The following CELSR1 variants were observed in gnomAD, a reference collection of about 807,000 sequenced individuals.
CELSR1 encodes the protein cadherin EGF LAG seven-pass G-type receptor 1.
CELSR1 carries 110 observed loss-of-function variants against 249.1 expected under a neutral mutation model. That is an observed-to-expected ratio of 0.44 (90% confidence interval 0.38 to 0.52). CELSR1 has a LOEUF of 0.52. Ranked by LOEUF, CELSR1 falls within the 20% of genes least tolerant of loss-of-function variation. The pLI is 0.00. For synonymous variants in CELSR1, 2,113 were observed against 1,900.0 expected, an observed-to-expected ratio of 1.11 and a Z score of -2.92; for missense variants, 4,109 against 4,296.4, an observed-to-expected ratio of 0.96 and a Z score of 1.22.
intron 1 of CELSR1, among the ~76,000 whole-genome samples, chr22:46,474,370 C>T (rs116654874): frequency 2.1e-3 from 319 of 152,182 alleles, no homozygotes; most frequent in African/African-American, 6.5e-3. Context: ...GCCATCCCCT[C>T]GGGCTGCTGC....
chr22:46,453,502 C>T (rs569308682), intron 2 of CELSR1, among the ~76,000 whole-genome samples: 142 of 152,360 alleles, frequency 9.3e-4, no homozygotes, highest in Non-Finnish European at 1.2e-3. Flanking sequence ...CCGCTATGTC[C>T]AGCCAGCTTC....
At chr22:46,469,156 G>T (rs2080128229) in intron 1 of CELSR1, among the ~76,000 whole-genome samples, 1 of 152,012 alleles carries the variant, frequency 6.6e-6, no homozygotes, top group Non-Finnish European at 1.5e-5. Flanking sequence ...CCTGGGGTCT[G>T]CCAGCCTCAG....
intron 18 of CELSR1, among the ~76,000 whole-genome samples, chr22:46,387,944 T>C (rs113421300): frequency 0.019 from 2,910 of 152,204 alleles, 93 homozygotes; most frequent in African/African-American, 0.066. Flanking sequence ...GCCGTGGACA[T>C]GTGGACAGCT....
chr22:46,519,495 G>A (rs1025101334), intron 1 of CELSR1, among the ~76,000 whole-genome samples: 2 of 152,342 alleles, frequency 1.3e-5, no homozygotes, highest in African/African-American at 2.4e-5. Context: ...GGGTTGGCCC[G>A]GGGAGCAGCG....
intron 2 of CELSR1, 129 bp downstream of exon 2, chr22:46,463,578 C>T: frequency 1.0e-6 from 1 of 999,094 alleles, no homozygotes; most frequent in South Asian, 2.7e-5. Flanking sequence ...GTGGAGCCCA[C>T]ACCTGGGCCC....
intron 1 of CELSR1, among the ~76,000 whole-genome samples, chr22:46,489,978 A>G (rs2080352257): frequency 6.6e-6 from 1 of 151,322 alleles, no homozygotes; most frequent in Non-Finnish European, 1.5e-5. Flanking sequence ...TGCGCTGCCC[A>G]GCCTGGTTAG....
Position 46,363,927 on chromosome 22 carries a change from C to T in CELSR1, c.9035+69G>A. The T allele has an allele frequency of 6.8e-7, 1 of 1,467,264 alleles. No individual in the cohort carries two copies. Among genetic ancestry groups the T allele is most frequent in the Admixed American group, 2.7e-5 (1 of 37,244 alleles). The allele number at this position is 1,467,264 out of a possible 1,614,324, so 90.9% of individuals were successfully genotyped here. ...GGGTGTCAGGTCCCTGACCACTGCCCCCTCTCTCTCCTGACTCAGGACAAG... is the reference window on the plus strand; with the variant it reads ...GGGTGTCAGGTCCCTGACCACTGCCTCCTCTCTCTCCTGACTCAGGACAAG... On this transcript the variant is annotated intron_variant, in intron 34 of 34. Transcript: ENST00000674500. This position sits in a 1 kb window ranked among gnomAD's most constrained non-coding sequence, Gnocchi z 4.3.
chr22:46,468,172 C>T lies in CELSR1; in HGVS notation c.3545-3827G>A, dbSNP rs147770062. On this transcript the variant is annotated intron_variant, in intron 1 of 34. Transcript: ENST00000674500. This position sits in a 1 kb window ranked among gnomAD's most constrained non-coding sequence, Gnocchi z 4.5. ...GGAGGCCGAGGTGGGTGGATCACGACGTCAGGAGTTCAAGACCAGCCTGGG... is the reference window on the plus strand; with the variant it reads ...GGAGGCCGAGGTGGGTGGATCACGATGTCAGGAGTTCAAGACCAGCCTGGG... Among the ~76,000 whole-genome samples the T allele has an allele frequency of 1.4e-4, 21 of 151,596 alleles. No homozygotes were observed. In the South Asian group the frequency reaches 3.8e-3, roughly 27 times the overall value.
rs1430830661 is a variant in CELSR1 at position 46,435,508 on chromosome 22, C to A, written c.4522+666G>T. On this transcript the variant is annotated intron_variant, in intron 4 of 34. Coordinates refer to ENST00000674500, the MANE Select transcript of CELSR1 (RefSeq NM_001378328.1). ...TGTTAGCCAGGCTGGTCTCTAACTCCTGACCTCAGGTGATCTGCCTGCCTC... is the reference window on the plus strand; with the variant it reads ...TGTTAGCCAGGCTGGTCTCTAACTCATGACCTCAGGTGATCTGCCTGCCTC... Among the ~76,000 whole-genome samples the A allele has an allele frequency of 5.3e-5, 8 of 151,516 alleles. No homozygotes were observed. The East Asian group carries it at 1.4e-3, about 26-fold the overall frequency.
At chr22:46,379,245 C>A (rs926287602) in intron 22 of CELSR1, among the ~76,000 whole-genome samples, 1 of 152,170 alleles carries the variant, frequency 6.6e-6, no homozygotes, top group Non-Finnish European at 1.5e-5. Flanking sequence ...GAAGCCAGGG[C>A]CCCATTATGA....
At chr22:46,532,219 G>A (rs1257161515) in intron 1 of CELSR1, among the ~76,000 whole-genome samples, 1 of 152,116 alleles carries the variant, frequency 6.6e-6, no homozygotes, top group East Asian at 1.9e-4. Context: ...TTTTAAATAG[G>A]CCAAATTTCC....
At position 46,410,590 on chromosome 22, in the gene CELSR1, G is replaced by T. The variant is rs140812670; in HGVS notation, c.4770-29C>A. 4 of 1,606,038 alleles carry T rather than the reference G, an allele frequency of 2.5e-6. No homozygotes were observed. The highest frequency in any genetic ancestry group is 2.7e-5 in the African/African-American group (2 of 74,896). ...GGTAGGTAAAGCCATCTTCTGTGAC[G>T]TCAGGGCGGGGAGAGGCGGCCACGG... On this transcript the variant is annotated intron_variant, in intron 6 of 34. Transcript: ENST00000674500. The surrounding 1 kb of genome is among the most constrained non-coding windows in gnomAD (Gnocchi z 6.8).
At position 46,484,895 on chromosome 22, in the gene CELSR1, C is replaced by A. The variant is rs937581042; in HGVS notation, c.3545-20550G>T. On this transcript the variant is annotated intron_variant, in intron 1 of 34. Transcript: ENST00000674500. The surrounding 1 kb of genome is among the most constrained non-coding windows in gnomAD (Gnocchi z 4.5). ...GGAAAAGATCAAATATTGGCCCAGA[C>A]GTCTATTAATTTGCAACTTGCATTG... Among the ~76,000 whole-genome samples the A allele has an allele frequency of 6.6e-6, 1 of 151,208 alleles. No individual in the cohort carries two copies. The highest frequency in any genetic ancestry group is 1.5e-5 in the Non-Finnish European group (1 of 67,918).
chr22:46,460,404 G>A (rs752454541), intron 2 of CELSR1, among the ~76,000 whole-genome samples: 1 of 152,176 alleles, frequency 6.6e-6, no homozygotes, highest in South Asian at 2.1e-4. Context: ...GTACAGCTGC[G>A]GAAGCAGATT....
At position 46,364,523 on chromosome 22, in the gene CELSR1, T is replaced by C; in HGVS notation, c.8768A>G (p.Glu2923Gly). 6.2e-7 allele frequency: 1 copy of C among 1,610,824 alleles called. No homozygotes were observed. Among genetic ancestry groups the C allele is most frequent in the East Asian group, 2.2e-5 (1 of 44,860 alleles). The change falls in exon 33 of 35, where the codon GAG becomes GGG. Residue 2923 changes from glutamate (E) to glycine (G), a missense_variant. Glu to Gly is a moderately conservative substitution (Grantham distance 98, BLOSUM62 -2). Coordinates refer to ENST00000674500, the MANE Select transcript of CELSR1 (RefSeq NM_001378328.1). ...AARLASSQPPEQRKGILKNKV... is the reference protein window; with the variant it reads ...AARLASSQPPGQRKGILKNKV... Reference sequence around the variant, plus strand: ...GCCTCCCCAGGCACCTTTCCTCTGCTCTGGGGGCTGGCTGCTAGCAAGCCT... The same window carrying C: ...GCCTCCCCAGGCACCTTTCCTCTGCCCTGGGGGCTGGCTGCTAGCAAGCCT...
At chr22:46,394,120 G>A (rs780977370) in intron 14 of CELSR1, 22 bp downstream of exon 14, 2 of 1,610,690 alleles carry the variant, frequency 1.2e-6, no homozygotes, top group South Asian at 1.1e-5. Context: ...AGCATGCAGG[G>A]ATCATGGGGG....
rs115057988 is a variant in CELSR1, at chr22:46,423,668, G to A, written c.4611+9725C>T. On this transcript the variant is annotated intron_variant, in intron 5 of 34. Coordinates refer to ENST00000674500, the MANE Select transcript of CELSR1 (RefSeq NM_001378328.1). The surrounding 1 kb of genome is among the most constrained non-coding windows in gnomAD (Gnocchi z 5.6). ...GTTTATGACCTTGAAAAAGCTATCCGATGAGCACTATTAACAAGTATGGGC... is the reference window on the plus strand; with the variant it reads ...GTTTATGACCTTGAAAAAGCTATCCAATGAGCACTATTAACAAGTATGGGC... 0.03 allele frequency among the ~76,000 whole-genome samples: 4,439 copies of A among 149,452 alleles called. 181 individuals carry two copies. The highest frequency in any genetic ancestry group is 0.098 in the African/African-American group (3,982 of 40,462).
chr22:46,483,547 G>A (rs2080287449), intron 1 of CELSR1, among the ~76,000 whole-genome samples: 1 of 152,198 alleles, frequency 6.6e-6, no homozygotes, highest in South Asian at 2.1e-4. Flanking sequence ...TAACCTCTAT[G>A]TGCTTTGGTT....
At chr22:46,493,053 G>A (rs2080382357) in intron 1 of CELSR1, among the ~76,000 whole-genome samples, 1 of 152,056 alleles carries the variant, frequency 6.6e-6, no homozygotes, top group South Asian at 2.1e-4. Context: ...AGACCAGCCT[G>A]GGAAACATAG....
Sources: allele counts gnomAD v4.1 joint callset (sites outside exome capture counted in the v4.1 genomes callset), GRCh38; gene constraint gnomAD v4.1.1; non-coding constraint Gnocchi (gnomAD v3.1); transcripts MANE v1.5; gene names NCBI Gene and HGNC (gene_info 2026-07-23, HGNC 2026-07-21).